The following DKK2 variants were observed in gnomAD, a reference collection of about 807,000 sequenced individuals.
The protein encoded by DKK2 is dickkopf-related protein 2.
A neutral mutation model predicts 28.1 loss-of-function variants in DKK2; 11 were observed. The observed-to-expected ratio is 0.39, with a 90% CI of 0.25 to 0.65. The LOEUF (loss-of-function observed/expected upper bound fraction) is 0.65. Ranked by LOEUF, DKK2 falls within the 30% of genes least tolerant of loss-of-function variation. DKK2 has a pLI of 0.47. For missense variants in DKK2, 326 were observed against 335.5 expected, an observed-to-expected ratio of 0.97 and a Z score of 0.22; for synonymous variants, 135 against 126.5, an observed-to-expected ratio of 1.07 and a Z score of -0.45.
intron 2 of DKK2, among the ~76,000 whole-genome samples, 166 bp downstream of exon 2, chr4:106,925,633 C>G (rs754234874): frequency 3.9e-5 from 6 of 152,186 alleles, no homozygotes; most frequent in Non-Finnish European, 8.8e-5. Context: ...TCTAGGAAAA[C>G]TAAGATTTGG....
intron 1 of DKK2, among the ~76,000 whole-genome samples, chr4:107,000,408 A>G (rs1560589340): frequency 6.6e-6 from 1 of 152,228 alleles, no homozygotes; most frequent in South Asian, 2.1e-4. Context: ...CAAAATTTAT[A>G]TCATCAGTTT....
chr4:107,020,156 C>T (rs1025074324), intron 1 of DKK2, among the ~76,000 whole-genome samples: 16 of 151,980 alleles, frequency 1.1e-4, no homozygotes, highest in African/African-American at 3.9e-4. Context: ...TATTTTCTAA[C>T]AAGAAAATTC....
intron 1 of DKK2, among the ~76,000 whole-genome samples, chr4:107,009,195 A>T (rs143540926): frequency 2.6e-3 from 394 of 152,046 alleles, no homozygotes; most frequent in Admixed American, 4.9e-3. Flanking sequence ...ACTGTCTTCA[A>T]CCACAGAAAA....
intron 1 of DKK2, among the ~76,000 whole-genome samples, chr4:106,936,740 G>C (rs1425973727): frequency 6.6e-6 from 1 of 152,154 alleles, no homozygotes; most frequent in Non-Finnish European, 1.5e-5. Context: ...CCCACAAAGG[G>C]AAGCCCATCA....
rs1204912302 is a variant in DKK2, at chr4:106,924,023, C to T, written c.711G>A (p.Leu237=). 3.7e-6 allele frequency: 6 copies of T among 1,613,998 alleles called. No individual in the cohort carries two copies. Among genetic ancestry groups the T allele is most frequent in the East Asian group, 4.5e-5 (2 of 44,870 alleles). ...TGGCATCTTTCCATACTTTGCAAGACAGGCCCTTCGCACAGTCGCAACGCT... is the reference window on the plus strand; with the variant it reads ...TGGCATCTTTCCATACTTTGCAAGATAGGCCCTTCGCACAGTCGCAACGCT... ...IFQRCDCAKG[L]SCKVWKDATY... is the part of the protein sequence containing the mutation. Residue 237 remains leucine, a synonymous_variant, in exon 4 of 4, where the codon CTG becomes CTA. Transcript: ENST00000285311.
At chr4:107,012,472 A>T (rs1723530373) in intron 1 of DKK2, among the ~76,000 whole-genome samples, 1 of 151,242 alleles carries the variant, frequency 6.6e-6, no homozygotes, top group African/African-American at 2.4e-5. Flanking sequence ...TGCAGAAGGG[A>T]TGGTTTCTGG....
chr4:106,942,118 T>C (rs560012813), intron 1 of DKK2, among the ~76,000 whole-genome samples: 1 of 152,212 alleles, frequency 6.6e-6, no homozygotes, highest in South Asian at 2.1e-4. Flanking sequence ...GAGGAAATTA[T>C]AAGCCAGATG....
intron 1 of DKK2, among the ~76,000 whole-genome samples, chr4:106,940,823 A>T (rs149700695): frequency 0.024 from 3,647 of 152,266 alleles, 61 homozygotes; most frequent in Non-Finnish European, 0.036. Context: ...CATGGATGAA[A>T]TTGGAAATCA....
At chr4:106,943,234 T>C (rs908841675) in intron 1 of DKK2, among the ~76,000 whole-genome samples, 2 of 152,252 alleles carry the variant, frequency 1.3e-5, no homozygotes, top group Non-Finnish European at 1.5e-5. Context: ...CACCATGATG[T>C]AGATTATGCT....
chr4:106,935,174 C>T (rs140381841), intron 1 of DKK2, among the ~76,000 whole-genome samples: 3,462 of 152,146 alleles, frequency 0.023, 141 homozygotes, highest in African/African-American at 0.079. Flanking sequence ...AGGCAGAAGA[C>T]GGTGATTTCT....
intron 1 of DKK2, among the ~76,000 whole-genome samples, chr4:106,936,407 G>A (rs1724589100): frequency 6.6e-6 from 1 of 151,652 alleles, no homozygotes; most frequent in African/African-American, 2.4e-5. Flanking sequence ...AAGAAGGGAA[G>A]TTTAGAGAAA....
chr4:106,923,679 G>C lies in DKK2; in HGVS notation c.*275C>G, dbSNP rs1724381673. On this transcript the variant is annotated 3_prime_UTR_variant, in exon 4 of 4. Coordinates refer to ENST00000285311, the MANE Select transcript of DKK2 (RefSeq NM_014421.3). ...ATGCTACTCATCAGTAATTTCCACT[G>C]TGTGCTTGTTCTCTTAATAATAGCA... is the stretch of plus-strand genomic sequence containing the variant. 5.3e-6 allele frequency: 2 copies of C among 378,730 alleles called. No homozygotes were observed. The highest frequency in any genetic ancestry group is 9.7e-6 in the Non-Finnish European group (2 of 206,022). 23.5% of individuals were successfully genotyped at this position (378,730 alleles called of 1,614,324 possible). A position where few individuals can be genotyped will look rare whatever the true frequency, so the allele number is the denominator to read the frequency against.
At position 107,029,911 on chromosome 4, in the gene DKK2, A is replaced by C. The variant is rs569548636; in HGVS notation, c.222+5459T>G. Among the ~76,000 whole-genome samples the C allele has an allele frequency of 3.7e-3, 558 of 152,174 alleles. 3 individuals are homozygous for C. Among genetic ancestry groups the C allele is most frequent in the African/African-American group, 0.011 (477 of 41,556 alleles). ...TTGACTCTGTGGAAAAAGATAAGTA[A>C]CATTTTTTTAAAAATTGACTACTTT... On this transcript the variant is annotated intron_variant, in intron 1 of 3. Coordinates refer to ENST00000285311, the MANE Select transcript of DKK2 (RefSeq NM_014421.3).
Position 106,924,118 on chromosome 4 carries a change from G to A in DKK2, c.616C>T (p.Pro206Ser). Reference sequence around the variant, plus strand: ...CAGACTTCCCCCTGATGGAGCACTGGTTTGCAGATTTTGGTCCAGAAATGA... The same window carrying A: ...CAGACTTCCCCCTGATGGAGCACTGATTTGCAGATTTTGGTCCAGAAATGA... ...ARHFWTKICK[P>S]VLHQGEVCTK... The change falls in exon 4 of 4, where the codon CCA becomes TCA. Residue 206 changes from proline to serine, a missense_variant. Pro to Ser is a moderately conservative substitution (Grantham distance 74). Transcript: ENST00000285311. 2 of 1,613,954 alleles carry A rather than the reference G, an allele frequency of 1.2e-6. No individual in the cohort carries two copies. The highest frequency in any genetic ancestry group is 1.7e-6 in the Non-Finnish European group (2 of 1,179,932).
At chr4:107,023,498 T>C (rs1052183340) in intron 1 of DKK2, among the ~76,000 whole-genome samples, 1 of 152,046 alleles carries the variant, frequency 6.6e-6, no homozygotes, top group African/African-American at 2.4e-5. Context: ...AATGGGTAAA[T>C]AGGTGGAACA....
chr4:106,923,116 T>C lies in DKK2; in HGVS notation c.*838A>G, dbSNP rs1724372292. ...GAAAATTCTGCTCTGTGTAAGTATT[T>C]TACTAGTCACAATTTATGGGTATAG... On this transcript the variant is annotated 3_prime_UTR_variant, in exon 4 of 4. Transcript: ENST00000285311. 6.6e-6 allele frequency: 1 copy of C among 152,200 alleles called. No individual in the cohort carries two copies. The highest frequency in any genetic ancestry group is 6.6e-5 in the Admixed American group (1 of 15,266). The allele number at this position is 152,200 out of a possible 1,614,324, so 9.4% of individuals were successfully genotyped here.
At chr4:106,938,066 AG>A (rs1368639639) in intron 1 of DKK2, among the ~76,000 whole-genome samples, 1 of 143,770 alleles carries the variant, frequency 7.0e-6, no homozygotes, top group Non-Finnish European at 1.5e-5. Flanking sequence ...GAACTAGAAA[AG>A]CAAGAGCAAA....
intron 1 of DKK2, among the ~76,000 whole-genome samples, chr4:107,026,004 T>C (rs576611920): frequency 5.9e-5 from 9 of 152,356 alleles, no homozygotes; most frequent in Non-Finnish European, 1.0e-4. Flanking sequence ...TGAGAATTTC[T>C]TTGTCAGAGG....
intron 1 of DKK2, among the ~76,000 whole-genome samples, chr4:106,978,646 T>C (rs914742742): frequency 6.6e-5 from 10 of 152,152 alleles, no homozygotes; most frequent in African/African-American, 2.4e-4. Context: ...GCAGCGAAAA[T>C]TTCAAACAAT....
Sources: gnomAD v4.1 joint callset for allele counts (sites outside exome capture counted in the v4.1 genomes callset) on GRCh38, gnomAD v4.1.1 for gene constraint, MANE v1.5 for transcripts, NCBI Gene and HGNC (gene_info 2026-07-23, HGNC 2026-07-21) for gene names.